SEMA6D: variants seen among roughly 807,000 people sequenced by gnomAD.
SEMA6D encodes semaphorin-6D.
Under a neutral mutation model 106.6 loss-of-function variants are expected in SEMA6D, and 35 were observed. The observed-to-expected ratio is 0.33, with a 90% CI of 0.25 to 0.44. The LOEUF is 0.44. Among genes scored for constraint, SEMA6D ranks in the 20% least tolerant of loss-of-function variants. The pLI is 1.00. For synonymous variants in SEMA6D, 499 were observed against 487.7 expected (o/e 1.02, Z -0.31); for missense variants, 1,185 against 1,345.9 (o/e 0.88, Z 1.87).
chr15:47,229,720 A>G (rs1394543016), intron 1 of SEMA6D, among the ~76,000 whole-genome samples: 2 of 152,140 alleles, frequency 1.3e-5, no homozygotes, highest in African/African-American at 4.8e-5. Context: ...AATTACAGTC[A>G]TATTGGTCTC....
At chr15:47,632,502 T>C (rs745538059) in intron 4 of SEMA6D, among the ~76,000 whole-genome samples, 1 of 148,968 alleles carries the variant, frequency 6.7e-6, no homozygotes, top group Non-Finnish European at 1.5e-5. Context: ...ATAATCATTA[T>C]GTCTTCCTGA....
intron 3 of SEMA6D, among the ~76,000 whole-genome samples, chr15:47,544,646 G>A (rs2045461220): frequency 6.6e-6 from 1 of 152,010 alleles, no homozygotes; most frequent in African/African-American, 2.4e-5. Flanking sequence ...AACTATGATG[G>A]AGAAAGGAAT....
chr15:47,764,759 G>A lies in SEMA6D; in HGVS notation c.1219G>A (p.Ala407Thr). The A allele has an allele frequency of 6.2e-7, 1 of 1,613,934 alleles. No homozygotes were observed. The highest frequency in any genetic ancestry group is 8.5e-7 in the Non-Finnish European group (1 of 1,179,878). The change falls in exon 12 of 19, where the codon GCC (alanine) becomes ACC (threonine). Residue 407 changes from alanine (A) to threonine (T), a missense_variant. Ala to Thr is a moderately conservative substitution (Grantham distance 58, BLOSUM62 0). This residue lies in a region of SEMA6D where 291 missense variants were observed against 423.8 expected (regional missense o/e 0.69). Transcript: ENST00000536845. ...PLMDSAVPPI[A>T]DEPWFTKTRV... ...GATGGACTCTGCCGTTCCACCCATT[G>A]CCGATGAGCCCTGGTTCACAAAGAC... is the stretch of plus-strand genomic sequence containing the variant.
At chr15:47,713,565 C>G (rs2079058952), upstream of SEMA6D, among the ~76,000 whole-genome samples, 1 of 152,166 alleles carries the variant, frequency 6.6e-6, no homozygotes, top group South Asian at 2.1e-4. Flanking sequence ...CACAAAAGCA[C>G]TTTCTATAAT....
At chr15:47,529,583 G>C (rs911122244) in intron 3 of SEMA6D, among the ~76,000 whole-genome samples, 2 of 134,174 alleles carry the variant, frequency 1.5e-5, no homozygotes, top group East Asian at 2.2e-4. Context: ...CTCCATTTTA[G>C]CTCTAAGTAT....
chr15:47,475,521 A>G (rs557206915), intron 3 of SEMA6D, among the ~76,000 whole-genome samples: 173 of 152,286 alleles, frequency 1.1e-3, no homozygotes, highest in African/African-American at 3.8e-3. Flanking sequence ...CTAGCTGGAA[A>G]GCCCCCATAC....
intron 4 of SEMA6D, among the ~76,000 whole-genome samples, chr15:47,601,434 CATA>C (rs902345195): frequency 3.3e-5 from 5 of 152,128 alleles, no homozygotes; most frequent in African/African-American, 7.2e-5. Context: ...CATTAAATAA[CATA>C]ATAGGGATCC....
chr15:47,270,839 C>CAA (rs34796429), intron 1 of SEMA6D, among the ~76,000 whole-genome samples: 1 of 150,358 alleles, frequency 6.7e-6, no homozygotes, highest in Non-Finnish European at 1.5e-5. Flanking sequence ...ACTAAAAATA[C>CAA]AAAAAAAAAG....
At chr15:47,501,856 GGTTTT>G (rs760161123) in intron 3 of SEMA6D, among the ~76,000 whole-genome samples, 1 of 131,416 alleles carries the variant, frequency 7.6e-6, no homozygotes, top group Admixed American at 8.5e-5. Context: ...GGAGATTTTT[GGTTTT>G]GTTTTGTTTT....
intron 3 of SEMA6D, among the ~76,000 whole-genome samples, chr15:47,540,368 A>G (rs2045316999): frequency 6.6e-6 from 1 of 152,096 alleles, no homozygotes; most frequent in Non-Finnish European, 1.5e-5. Context: ...GTGAGATAGC[A>G]TTTCAAAATT....
At position 47,771,698 on chromosome 15, in the gene SEMA6D, G is replaced by T; in HGVS notation, c.3135G>T (p.Thr1045=). ...GTLPRTGLKR[T]PSLKPDVPPK... is the part of the protein sequence containing the mutation. ...TTCCTAGGACGGGACTAAAGAGGACGCCGTCCTTAAAACCTGACGTGCCAC... is the reference window on the plus strand; with the variant it reads ...TTCCTAGGACGGGACTAAAGAGGACTCCGTCCTTAAAACCTGACGTGCCAC... The change falls in exon 19 of 19, where the codon ACG becomes ACT. Residue 1045 remains threonine, a synonymous_variant. Coordinates refer to ENST00000536845, the MANE Select transcript of SEMA6D (RefSeq NM_001358351.3). The T allele has an allele frequency of 1.2e-6, 2 of 1,613,998 alleles. No individual in the cohort carries two copies. The highest frequency in any genetic ancestry group is 1.7e-6 in the Non-Finnish European group (2 of 1,179,968).
intron 1 of SEMA6D, among the ~76,000 whole-genome samples, chr15:47,372,109 T>A (rs2039294786): frequency 6.6e-6 from 1 of 152,226 alleles, no homozygotes; most frequent in South Asian, 2.1e-4. Flanking sequence ...CCTCAGCTCT[T>A]CACTGATTGC....
At chr15:47,742,836 C>G (rs1158927074) in intron 1 of SEMA6D, among the ~76,000 whole-genome samples, 1 of 152,196 alleles carries the variant, frequency 6.6e-6, no homozygotes, top group African/African-American at 2.4e-5. Context: ...CCCACACCCT[C>G]TGTGTTTCCT....
intron 1 of SEMA6D, among the ~76,000 whole-genome samples, chr15:47,321,142 T>G (rs920623229): frequency 1.3e-5 from 2 of 152,214 alleles, no homozygotes; most frequent in African/African-American, 4.8e-5. Context: ...AATATATATA[T>G]GTACATCCCT....
chr15:47,666,861 T>C (rs1343250310), intron 4 of SEMA6D, among the ~76,000 whole-genome samples: 1 of 152,202 alleles, frequency 6.6e-6, no homozygotes, highest in Non-Finnish European at 1.5e-5. Context: ...TTCACATGGC[T>C]CTTACACGAC....
At chr15:47,743,343 AC>A (rs1281704435) in intron 1 of SEMA6D, among the ~76,000 whole-genome samples, 2 of 152,014 alleles carry the variant, frequency 1.3e-5, no homozygotes, top group Admixed American at 1.3e-4. Context: ...TTAGCAATTC[AC>A]CATCAGTGGG....
chr15:47,613,597 T>C (rs1364593124), intron 4 of SEMA6D, among the ~76,000 whole-genome samples: 1 of 152,178 alleles, frequency 6.6e-6, no homozygotes, highest in Non-Finnish European at 1.5e-5. Flanking sequence ...AAAGAAAATA[T>C]TTAGAAGTAC....
At chr15:47,593,387 C>T (rs1167506500) in intron 3 of SEMA6D, among the ~76,000 whole-genome samples, 24 of 107,800 alleles carry the variant, frequency 2.2e-4, no homozygotes, top group Admixed American at 2.9e-4. Flanking sequence ...GCCTGGGCGA[C>T]AGAGCGAAAC....
intron 1 of SEMA6D, among the ~76,000 whole-genome samples, chr15:47,351,237 G>T (rs2038314195): frequency 6.6e-6 from 1 of 152,106 alleles, no homozygotes; most frequent in Non-Finnish European, 1.5e-5. Context: ...AATTCTGTAA[G>T]TATGCCATGA....
Sources: allele counts gnomAD v4.1 joint callset (sites outside exome capture counted in the v4.1 genomes callset), GRCh38; gene constraint gnomAD v4.1.1; regional missense constraint gnomAD v4.1.1; transcripts MANE v1.5; gene names NCBI Gene and HGNC (gene_info 2026-07-23, HGNC 2026-07-21).